SCMH1: variants seen among roughly 807,000 people sequenced by gnomAD.
SCMH1 encodes Scm polycomb group protein homolog 1.
A neutral mutation model predicts 70.8 loss-of-function variants in SCMH1; 37 were observed. That is an observed-to-expected ratio of 0.52 (90% CI 0.40 to 0.69). SCMH1 has a LOEUF of 0.69. Among genes scored for constraint, SCMH1 ranks in the 30% least tolerant of loss-of-function variants. The probability of loss-of-function intolerance (pLI) is 0.00; values close to 1 mark genes in which losing one functional copy is unlikely to be tolerated. For synonymous variants in SCMH1, 292 were observed against 307.4 expected (o/e 0.95, Z 0.52); for missense variants, 607 against 827.3 (o/e 0.73, Z 3.27).
intron 8 of SCMH1, among the ~76,000 whole-genome samples, chr1:41,081,290 T>C (rs2148946817): frequency 6.6e-6 from 1 of 152,346 alleles, no homozygotes; most frequent in South Asian, 2.1e-4. Context: ...GCATCACCAC[T>C]GTTAGGTGTC....
Position 41,163,329 on chromosome 1 carries a change from C to T in SCMH1, c.14-1897G>A, listed in dbSNP as rs566115836. On this transcript the variant is annotated intron_variant, in intron 2 of 14. Coordinates refer to ENST00000337495, the Ensembl canonical transcript of SCMH1. ...CATACACACTCCTCACCACTCCATG[C>T]CTAACTCCAGTCTCTCTTGGAGGCG... Among the ~76,000 whole-genome samples, 4 of 152,286 alleles carry T rather than the reference C, an allele frequency of 2.6e-5. No individual in the cohort carries two copies. In the South Asian group the frequency reaches 8.3e-4, roughly 32 times the overall value.
chr1:41,239,686 T>C (rs772998364), intron 1 of SCMH1, among the ~76,000 whole-genome samples: 13 of 152,042 alleles, frequency 8.6e-5, no homozygotes, highest in Middle Eastern at 3.2e-3. Context: ...TGTCACTTGC[T>C]ATGGCGTGAT....
chr1:41,176,829 G>A (rs566166407), intron 2 of SCMH1, among the ~76,000 whole-genome samples: 22 of 152,294 alleles, frequency 1.4e-4, no homozygotes, highest in Admixed American at 2.6e-4. Context: ...TCAGGGCAGG[G>A]CATAGCCAAA....
intron 1 of SCMH1, among the ~76,000 whole-genome samples, chr1:41,235,448 G>A (rs1662171083): frequency 6.6e-6 from 1 of 151,668 alleles, no homozygotes; most frequent in African/African-American, 2.4e-5. Flanking sequence ...GTGCATGTCT[G>A]TAATCCCAGC....
chr1:41,152,375 T>A (rs942629001), intron 4 of SCMH1, among the ~76,000 whole-genome samples: 2 of 152,270 alleles, frequency 1.3e-5, no homozygotes, highest in East Asian at 3.9e-4. Flanking sequence ...AAGAACAAGC[T>A]GGGGAGTCTG....
At chr1:41,046,582 T>C in exon 12 of SCMH1, 1 of 1,614,012 alleles carries the variant, frequency 6.2e-7, no homozygotes, top group South Asian at 1.1e-5. Context: ...GGGTATGCTG[T>C]TCCCGGTCAA....
intron 8 of SCMH1, among the ~76,000 whole-genome samples, chr1:41,103,661 C>G (rs1257578012): frequency 6.6e-6 from 1 of 152,156 alleles, no homozygotes; most frequent in Non-Finnish European, 1.5e-5. Context: ...CTGCATAAAT[C>G]ACATCTCACT....
chr1:41,144,689 G>GT (rs1572574673), intron 5 of SCMH1, among the ~76,000 whole-genome samples: 2 of 152,132 alleles, frequency 1.3e-5, no homozygotes, highest in African/African-American at 4.8e-5. Context: ...GTCTTCTCAA[G>GT]TAGCTATAGG....
chr1:41,060,788 G>A (rs1326248402), intron 10 of SCMH1, among the ~76,000 whole-genome samples: 3 of 152,092 alleles, frequency 2.0e-5, no homozygotes, highest in East Asian at 3.9e-4. Context: ...TGGGGCTACA[G>A]GCATGCACCA....
rs552052132 is a variant in SCMH1 at position 41,218,323 on chromosome 1, T to C, written c.-118+23736A>G. Among the ~76,000 whole-genome samples the C allele has an allele frequency of 5.9e-5, 9 of 152,270 alleles. No individual in the cohort carries two copies. In the East Asian group the frequency reaches 1.4e-3, roughly 23 times the overall value. On this transcript the variant is annotated intron_variant, in intron 1 of 14. Coordinates refer to ENST00000337495, the Ensembl canonical transcript of SCMH1. ...TACTTGGAAATAGGGTCTTTGCAGA[T>C]ATAAACAAGTTAAGATGACGTCATT...
chr1:41,105,134 T>G (rs1395688762), intron 8 of SCMH1, among the ~76,000 whole-genome samples: 1 of 151,918 alleles, frequency 6.6e-6, no homozygotes, highest in East Asian at 1.9e-4. Context: ...TTTTTTTTTT[T>G]TTGTATTTTT....
intron 13 of SCMH1, among the ~76,000 whole-genome samples, chr1:41,031,481 C>G (rs1289725621): frequency 1.3e-5 from 2 of 152,176 alleles, no homozygotes; most frequent in East Asian, 1.9e-4. Flanking sequence ...TAGTCCAGCC[C>G]CTTTTGGAGC....
chr1:41,132,128 C>T (rs1226716921), intron 6 of SCMH1, among the ~76,000 whole-genome samples: 1 of 152,210 alleles, frequency 6.6e-6, no homozygotes, highest in Non-Finnish European at 1.5e-5. Flanking sequence ...GCGACACTGT[C>T]TTCCACAATG....
intron 1 of SCMH1, among the ~76,000 whole-genome samples, chr1:41,188,276 T>C (rs1167992741): frequency 3.3e-5 from 5 of 152,162 alleles, no homozygotes; most frequent in Non-Finnish European, 7.3e-5. Context: ...ATTATAGGCA[T>C]GTGCCGCCAT....
At chr1:41,241,763 G>C (rs1400943916) in intron 1 of SCMH1, among the ~76,000 whole-genome samples, 1 of 151,830 alleles carries the variant, frequency 6.6e-6, no homozygotes, top group African/African-American at 2.4e-5. Flanking sequence ...TTCCCGTGCC[G>C]GGGCCCCCGG....
intron 12 of SCMH1, among the ~76,000 whole-genome samples, chr1:41,038,610 T>A (rs1265513794): frequency 2.6e-5 from 4 of 152,192 alleles, no homozygotes; most frequent in Non-Finnish European, 5.9e-5. Context: ...GCTTGGCAAC[T>A]ATGAGCTCAA....
At chr1:41,097,466 ATTCAT>A (rs1031864561) in intron 8 of SCMH1, among the ~76,000 whole-genome samples, 1 of 152,112 alleles carries the variant, frequency 6.6e-6, no homozygotes, top group African/African-American at 2.4e-5. Context: ...AATGTCTCAA[ATTCAT>A]TTCTTTTCTT....
intron 1 of SCMH1, among the ~76,000 whole-genome samples, chr1:41,190,683 T>C (rs1651487979): frequency 6.6e-6 from 1 of 152,188 alleles, no homozygotes; most frequent in Non-Finnish European, 1.5e-5. Context: ...TGTGCATGTA[T>C]GTATGTGTGT....
chr1:41,077,230 T>C (rs138520123), intron 8 of SCMH1, among the ~76,000 whole-genome samples: 12 of 152,308 alleles, frequency 7.9e-5, no homozygotes, highest in African/African-American at 2.4e-4. Context: ...GATACTGTTT[T>C]CTTTCCTGAG....
Sources: allele counts gnomAD v4.1 joint callset (sites outside exome capture counted in the v4.1 genomes callset), GRCh38; gene constraint gnomAD v4.1.1; transcripts MANE v1.5; gene names NCBI Gene and HGNC (gene_info 2026-07-23, HGNC 2026-07-21).